Variants in WDPCP observed in about 807,000 individuals in gnomAD.
WDPCP encodes WD repeat-containing and planar cell polarity effector protein fritz homolog.
Under a neutral mutation model 93.1 loss-of-function variants are expected in WDPCP, and 71 were observed. The observed-to-expected ratio is 0.76, with a 90% CI of 0.63 to 0.93. The LOEUF (loss-of-function observed/expected upper bound fraction) is 0.93, where lower values mean the gene tolerates loss of function less well. WDPCP is among the 40% of genes least tolerant of loss of function. The pLI is 0.00. For missense variants in WDPCP, 844 were observed against 887.4 expected, an observed-to-expected ratio of 0.95 and a Z score of 0.62; for synonymous variants, 315 against 315.0, an observed-to-expected ratio of 1.00 and a Z score of 0.00.
chr2:63,551,541 G>C (rs1705645881), intron 1 of WDPCP, among the ~76,000 whole-genome samples: 1 of 152,196 alleles, frequency 6.6e-6, no homozygotes, highest in Admixed American at 6.5e-5. Context: ...ACCAGGAGCA[G>C]ATGCCAGCAC....
intron 6 of WDPCP, among the ~76,000 whole-genome samples, chr2:63,446,391 A>C (rs1697871056): frequency 6.6e-6 from 1 of 152,202 alleles, no homozygotes; most frequent in Admixed American, 6.5e-5. Flanking sequence ...AGGAGACATG[A>C]CATCTGGCAA....
At chr2:63,437,654 C>T (rs985560040) in intron 7 of WDPCP, 100 bp from the exon 8 acceptor site, 1 of 1,158,274 alleles carries the variant, frequency 8.6e-7, no homozygotes. Flanking sequence ...TACATATTAA[C>T]TGAAATCACT....
At chr2:63,439,425 G>A (rs945130314) in intron 7 of WDPCP, among the ~76,000 whole-genome samples, 2 of 151,784 alleles carry the variant, frequency 1.3e-5, no homozygotes, top group African/African-American at 4.8e-5. Context: ...AATTCATTTG[G>A]AAATAAAATA....
At chr2:63,540,966 G>A (rs1050204600) in intron 1 of WDPCP, among the ~76,000 whole-genome samples, 1 of 150,646 alleles carries the variant, frequency 6.6e-6, no homozygotes, top group Non-Finnish European at 1.5e-5. Context: ...ATGTTGCCCA[G>A]GCTGGTGGTT....
At chr2:63,723,028 C>T (rs1331233910) in intron 2 of WDPCP, among the ~76,000 whole-genome samples, 27 of 152,160 alleles carry the variant, frequency 1.8e-4, no homozygotes, top group Admixed American at 1.8e-3. Flanking sequence ...GTCCACTCAG[C>T]GTTGAACGGA....
chr2:63,177,490 T>G (rs901816615), intron 14 of WDPCP, among the ~76,000 whole-genome samples: 19 of 152,320 alleles, frequency 1.2e-4, no homozygotes, highest in African/African-American at 4.3e-4. Flanking sequence ...TTCTTTTTGA[T>G]GCTATTGTAA....
At chr2:63,337,157 G>A (rs1053333398) in intron 12 of WDPCP, among the ~76,000 whole-genome samples, 6 of 152,090 alleles carry the variant, frequency 3.9e-5, no homozygotes, top group African/African-American at 1.4e-4. Context: ...CTCCCAAAGT[G>A]CTGGGATTAC....
chr2:63,470,327 C>A (rs1218528705), intron 6 of WDPCP, among the ~76,000 whole-genome samples: 4 of 152,210 alleles, frequency 2.6e-5, no homozygotes, highest in African/African-American at 9.6e-5. Flanking sequence ...CTCTAATTGG[C>A]TATCTAATGG....
intron 1 of WDPCP, among the ~76,000 whole-genome samples, chr2:63,584,113 A>G (rs780443661): frequency 2.6e-5 from 4 of 151,770 alleles, no homozygotes; most frequent in Non-Finnish European, 4.4e-5. Flanking sequence ...TGATATGATC[A>G]TACCACTGCA....
intron 6 of WDPCP, among the ~76,000 whole-genome samples, chr2:63,464,422 T>C (rs1345024716): frequency 6.6e-6 from 1 of 152,130 alleles, no homozygotes; most frequent in Admixed American, 6.6e-5. Context: ...AGAATCCTCA[T>C]GCACTCCTGG....
chr2:63,623,084 A>T (rs1342415257), intron 3 of WDPCP, among the ~76,000 whole-genome samples: 1 of 152,226 alleles, frequency 6.6e-6, no homozygotes. Context: ...ATCCAATCAA[A>T]CTAAGCTTCA....
At chr2:63,746,091 G>A (rs1353554259) in intron 2 of WDPCP, among the ~76,000 whole-genome samples, 3 of 152,126 alleles carry the variant, frequency 2.0e-5, no homozygotes, top group Admixed American at 2.0e-4. Context: ...AGAGGGACTG[G>A]CTGAAGCCAT....
chr2:63,524,506 G>A (rs914272179), intron 1 of WDPCP, among the ~76,000 whole-genome samples: 12 of 152,136 alleles, frequency 7.9e-5, no homozygotes, highest in African/African-American at 2.4e-4. Context: ...ATGGGGAAAG[G>A]ACTCCCTATT....
At chr2:63,536,520 C>G (rs1704289394) in intron 1 of WDPCP, among the ~76,000 whole-genome samples, 1 of 152,070 alleles carries the variant, frequency 6.6e-6, no homozygotes, top group Admixed American at 6.6e-5. Context: ...CCATGGAATA[C>G]TATGCAGCCA....
chr2:63,622,735 G>A, intron 3 of WDPCP: 5 of 1,613,272 alleles, frequency 3.1e-6, no homozygotes, highest in Non-Finnish European at 4.2e-6. Context: ...GTCAAGACAT[G>A]TTTGCTATAG....
chr2:63,779,532 A>G (rs74843397), intron 2 of WDPCP, among the ~76,000 whole-genome samples: 1,958 of 152,278 alleles, frequency 0.013, 18 homozygotes, highest in Non-Finnish European at 0.015. Context: ...GAGGCTGAGA[A>G]GCAACACAGT....
intron 11 of WDPCP, 66 bp from the exon 12 acceptor site, chr2:63,378,575 A>C: frequency 2.5e-4 from 402 of 1,599,800 alleles, no homozygotes; most frequent in Non-Finnish European, 3.1e-4. Context: ...CAAAATACTC[A>C]TGTTTGCAGT....
At chr2:63,143,023 T>C (rs535046383) in intron 17 of WDPCP, among the ~76,000 whole-genome samples, 35 of 152,110 alleles carry the variant, frequency 2.3e-4, no homozygotes, top group Admixed American at 2.0e-3. Context: ...CGATCTTGGC[T>C]CACTACACTT....
At chr2:63,787,097 C>G (rs1309274303) in intron 2 of WDPCP, among the ~76,000 whole-genome samples, 1 of 152,148 alleles carries the variant, frequency 6.6e-6, no homozygotes, top group South Asian at 2.1e-4. Flanking sequence ...ATTATATAAA[C>G]TAGGATACCC....
Sources: gnomAD v4.1 joint callset for allele counts (sites outside exome capture counted in the v4.1 genomes callset) on GRCh38, gnomAD v4.1.1 for gene constraint, MANE v1.5 for transcripts, NCBI Gene and HGNC (gene_info 2026-07-23, HGNC 2026-07-21) for gene names.